The following CNTNAP2 variants were observed in gnomAD, a reference collection of about 807,000 sequenced individuals.
CNTNAP2 encodes contactin associated protein 2.
In CNTNAP2, 98 loss-of-function variants were observed where a neutral mutation model predicts 155.2. The ratio of observed to expected loss-of-function variants is 0.63; its 90% CI spans 0.54 to 0.75. The LOEUF is 0.75. Among genes scored for constraint, CNTNAP2 ranks in the 30% least tolerant of loss-of-function variants. The pLI is 0.00. For synonymous variants in CNTNAP2, 651 were observed against 631.2 expected (o/e 1.03, Z -0.47); for missense variants, 1,727 against 1,688.1 (o/e 1.02, Z -0.40).
chr7:147,864,085 A>G (rs1018731494), intron 13 of CNTNAP2, among the ~76,000 whole-genome samples: 12 of 151,908 alleles, frequency 7.9e-5, no homozygotes, highest in African/African-American at 2.9e-4. Flanking sequence ...TCTTTAATCC[A>G]TCTTGAATTA....
intron 13 of CNTNAP2, among the ~76,000 whole-genome samples, chr7:147,871,471 A>G (rs2116701926): frequency 6.6e-6 from 1 of 152,248 alleles, no homozygotes; most frequent in South Asian, 2.1e-4. Context: ...TATGGGACTT[A>G]AAGACGTCAG....
At chr7:147,583,771 G>A (rs191854285) in intron 12 of CNTNAP2, among the ~76,000 whole-genome samples, 65 of 152,100 alleles carry the variant, frequency 4.3e-4, no homozygotes, top group African/African-American at 1.3e-3. Context: ...TACTGTCAGT[G>A]TCTCAGTTAA....
chr7:148,352,404 A>G (rs536536290), intron 21 of CNTNAP2, among the ~76,000 whole-genome samples: 2 of 152,236 alleles, frequency 1.3e-5, no homozygotes, highest in Non-Finnish European at 2.9e-5. Flanking sequence ...CTGAATGTTC[A>G]TGCACCTCTT....
intron 20 of CNTNAP2, among the ~76,000 whole-genome samples, chr7:148,245,653 A>G (rs971088854): frequency 2.0e-5 from 3 of 152,178 alleles, no homozygotes; most frequent in African/African-American, 7.2e-5. Context: ...ATGAGGTTCA[A>G]GGTCTGCAGA....
intron 1 of CNTNAP2, among the ~76,000 whole-genome samples, chr7:146,387,405 G>A (rs1346736850): frequency 6.6e-6 from 1 of 152,114 alleles, no homozygotes; most frequent in Non-Finnish European, 1.5e-5. Flanking sequence ...AGCCCTAGAG[G>A]TGTCTCAGTT....
chr7:147,146,606 T>G (rs539317953), intron 8 of CNTNAP2: 1 of 152,566 alleles, frequency 6.6e-6, no homozygotes, highest in South Asian at 2.1e-4. Flanking sequence ...GTTCTACTGT[T>G]TAATTTAGGC....
At chr7:146,430,303 A>T (rs927792519) in intron 1 of CNTNAP2, among the ~76,000 whole-genome samples, 6 of 152,008 alleles carry the variant, frequency 3.9e-5, no homozygotes, top group African/African-American at 1.4e-4. Context: ...CACAGAAAGT[A>T]TATCTATTTA....
intron 14 of CNTNAP2, among the ~76,000 whole-genome samples, chr7:147,912,314 G>T (rs1800081345): frequency 6.6e-6 from 1 of 152,160 alleles, no homozygotes; most frequent in South Asian, 2.1e-4. Context: ...TTCCCCAGGA[G>T]CAGCCTCTTC....
intron 21 of CNTNAP2, among the ~76,000 whole-genome samples, chr7:148,301,306 A>ATATATATATATATATATATATATAT (rs1554414674): frequency 7.7e-5 from 8 of 103,864 alleles, no homozygotes; most frequent in Non-Finnish European, 3.9e-5. Context: ...AAAAAAAAAA[A>ATATATATATATATATATATATATAT]ATATATATAT....
intron 14 of CNTNAP2, among the ~76,000 whole-genome samples, chr7:147,962,586 GGAAGTGA>G (rs1477956805): frequency 6.6e-6 from 1 of 152,146 alleles, no homozygotes; most frequent in African/African-American, 2.4e-5. Flanking sequence ...GACAGTAAAG[GGAAGTGA>G]TAATGATAAT....
intron 1 of CNTNAP2, among the ~76,000 whole-genome samples, chr7:146,745,029 A>G (rs1046701446): frequency 6.6e-6 from 1 of 152,182 alleles, no homozygotes; most frequent in African/African-American, 2.4e-5. Context: ...TGGAATTTCA[A>G]GATTTCAAGG....
chr7:146,605,651 T>G (rs532179761), intron 1 of CNTNAP2, among the ~76,000 whole-genome samples: 2 of 152,300 alleles, frequency 1.3e-5, no homozygotes, highest in South Asian at 4.1e-4. Context: ...TTATTTCTGT[T>G]AGTATTATTA....
At chr7:147,265,269 A>G (rs1036393234) in intron 8 of CNTNAP2, among the ~76,000 whole-genome samples, 7 of 152,190 alleles carry the variant, frequency 4.6e-5, no homozygotes, top group African/African-American at 1.7e-4. Context: ...AACGTGTGCC[A>G]TGGGGCAGCA....
intron 1 of CNTNAP2, among the ~76,000 whole-genome samples, chr7:146,721,144 A>T (rs1464369631): frequency 1.5e-5 from 2 of 130,236 alleles, no homozygotes; most frequent in East Asian, 2.3e-4. Context: ...TATTCTCTTT[A>T]TATATTCTAT....
In CNTNAP2 at chr7:147,851,918, A is replaced by T. The variant is rs1798949970; in HGVS notation, c.2099-51647A>T. Among the ~76,000 whole-genome samples, 4 of 151,588 alleles carry T rather than the reference A, an allele frequency of 2.6e-5. No homozygotes were observed. In the East Asian group the frequency reaches 5.8e-4, roughly 22 times the overall value. ...AGAACTTAAAATATAATAAATAATA[A>T]GAATAATAATAAATTATTTTTCTGA... On this transcript the variant is annotated intron_variant, in intron 13 of 23. Transcript: ENST00000361727.
intron 9 of CNTNAP2, among the ~76,000 whole-genome samples, chr7:147,308,694 C>G (rs2692180): frequency 0.53 from 79,822 of 152,020 alleles, 21,777 homozygotes; most frequent in East Asian, 0.73. Flanking sequence ...GGAATTTGTT[C>G]TGTATGTGGT....
chr7:146,638,253 A>G (rs1799632177), intron 1 of CNTNAP2, among the ~76,000 whole-genome samples: 1 of 152,142 alleles, frequency 6.6e-6, no homozygotes, highest in Non-Finnish European at 1.5e-5. Context: ...AAGCATTAGG[A>G]GAAATCCCTG....
At chr7:147,871,012 G>A (rs1210083546) in intron 13 of CNTNAP2, among the ~76,000 whole-genome samples, 1 of 152,114 alleles carries the variant, frequency 6.6e-6, no homozygotes, top group Non-Finnish European at 1.5e-5. Context: ...CTTTTGGCTG[G>A]GCTTGGCAAA....
chr7:146,412,681 T>C (rs1034920510), intron 1 of CNTNAP2, among the ~76,000 whole-genome samples: 6 of 152,190 alleles, frequency 3.9e-5, no homozygotes, highest in Admixed American at 1.3e-4. Context: ...GTGCCTTATC[T>C]ATGAGGCGGA....
Sources: allele counts gnomAD v4.1 joint callset (sites outside exome capture counted in the v4.1 genomes callset), GRCh38; gene constraint gnomAD v4.1.1; transcripts MANE v1.5; gene names NCBI Gene and HGNC (gene_info 2026-07-23, HGNC 2026-07-21).